The following ARHGAP15 variants were observed in gnomAD, a reference collection of about 807,000 sequenced individuals.
The protein encoded by ARHGAP15 is rho GTPase-activating protein 15.
A neutral mutation model predicts 63.7 loss-of-function variants in ARHGAP15; 51 were observed. The ratio of observed to expected loss-of-function variants is 0.80; its 90% CI spans 0.64 to 1.01. The LOEUF (loss-of-function observed/expected upper bound fraction) is 1.01, where lower values mean the gene tolerates loss of function less well. Among genes scored for constraint, ARHGAP15 ranks in the 50% least tolerant of loss-of-function variants. The pLI, the probability that ARHGAP15 is intolerant of heterozygous loss-of-function variation, is 0.00. For synonymous variants in ARHGAP15, 191 were observed against 193.8 expected, an observed-to-expected ratio of 0.99 and a Z score of 0.12; for missense variants, 560 against 564.6, an observed-to-expected ratio of 0.99 and a Z score of 0.08.
At chr2:143,544,691 A>G (rs1695249990) in intron 10 of ARHGAP15, among the ~76,000 whole-genome samples, 1 of 152,186 alleles carries the variant, frequency 6.6e-6, no homozygotes, top group Non-Finnish European at 1.5e-5. Context: ...CATAGTAAGT[A>G]CCTACACAAT....
intron 12 of ARHGAP15, among the ~76,000 whole-genome samples, chr2:143,651,217 C>G (rs1410108954): frequency 6.6e-6 from 1 of 151,886 alleles, no homozygotes; most frequent in African/African-American, 2.4e-5. Flanking sequence ...TGAAGTGATT[C>G]ATACAGATTT....
At chr2:143,413,454 T>C (rs1414955313) in intron 6 of ARHGAP15, among the ~76,000 whole-genome samples, 4 of 152,236 alleles carry the variant, frequency 2.6e-5, no homozygotes, top group African/African-American at 9.6e-5. Flanking sequence ...TCAACTCTGA[T>C]AAGCTTCTCA....
intron 6 of ARHGAP15, among the ~76,000 whole-genome samples, chr2:143,259,685 C>T (rs1680619342): frequency 6.6e-6 from 1 of 152,058 alleles, no homozygotes; most frequent in Non-Finnish European, 1.5e-5. Flanking sequence ...ATCCTCTGGC[C>T]CTACATGTCA....
At chr2:143,719,523 C>T (rs1474929344) in intron 13 of ARHGAP15, among the ~76,000 whole-genome samples, 1 of 152,184 alleles carries the variant, frequency 6.6e-6, no homozygotes, top group Non-Finnish European at 1.5e-5. Flanking sequence ...CAACTCTGCC[C>T]TCTTGGCTTC....
chr2:143,673,722 T>TTGTGTGTGTGTGTGTG (rs70982878), intron 12 of ARHGAP15, among the ~76,000 whole-genome samples: 2 of 54,666 alleles, frequency 3.7e-5, no homozygotes, highest in African/African-American at 9.5e-5. Context: ...AGGCCTTATA[T>TTGTGTGTGTGTGTGTG]TGTGTGTGTG....
intron 10 of ARHGAP15, among the ~76,000 whole-genome samples, chr2:143,523,149 G>A (rs1468622538): frequency 6.6e-6 from 1 of 152,044 alleles, no homozygotes; most frequent in Non-Finnish European, 1.5e-5. Flanking sequence ...AGCAATCGAA[G>A]CCAAATAGCT....
intron 12 of ARHGAP15, among the ~76,000 whole-genome samples, chr2:143,638,574 C>T (rs868460831): frequency 2.9e-4 from 43 of 148,396 alleles, no homozygotes; most frequent in African/African-American, 9.2e-4. Flanking sequence ...GTGGGTGCAG[C>T]GCACCAGCAT....
chr2:143,478,755 TAA>T (rs1272679649), intron 8 of ARHGAP15, among the ~76,000 whole-genome samples: 3 of 152,242 alleles, frequency 2.0e-5, no homozygotes, highest in Non-Finnish European at 4.4e-5. Flanking sequence ...AAGTGGAAAT[TAA>T]GACTATTTTA....
intron 12 of ARHGAP15, among the ~76,000 whole-genome samples, chr2:143,658,555 T>C (rs1472891176): frequency 6.6e-6 from 1 of 152,204 alleles, no homozygotes; most frequent in African/African-American, 2.4e-5. Context: ...TTTTGGCTCA[T>C]GGAACTAGAT....
At chr2:143,719,146 A>G (rs1312040449) in intron 13 of ARHGAP15, among the ~76,000 whole-genome samples, 2 of 152,122 alleles carry the variant, frequency 1.3e-5, no homozygotes, top group East Asian at 3.9e-4. Flanking sequence ...CACTGAAAAC[A>G]CCTCTTTTCC....
chr2:143,431,472 G>A (rs1249411111), intron 6 of ARHGAP15, among the ~76,000 whole-genome samples: 1 of 152,000 alleles, frequency 6.6e-6, no homozygotes, highest in African/African-American at 2.4e-5. Context: ...CATACCAAGT[G>A]GTGGTATTCA....
At chr2:143,311,734 GT>G (rs1275181689) in intron 6 of ARHGAP15, among the ~76,000 whole-genome samples, 1 of 152,128 alleles carries the variant, frequency 6.6e-6, no homozygotes, top group Non-Finnish European at 1.5e-5. Flanking sequence ...CTTAGCATAT[GT>G]CTAAGCTCAC....
intron 3 of ARHGAP15, among the ~76,000 whole-genome samples, chr2:143,205,272 AGAAAC>A (rs893852797): frequency 1.3e-5 from 2 of 150,920 alleles, no homozygotes; most frequent in Non-Finnish European, 3.0e-5. Context: ...AAAAAAAAAA[AGAAAC>A]AGAAAGGAAC....
chr2:143,364,802 C>T (rs1344513320), intron 6 of ARHGAP15, among the ~76,000 whole-genome samples: 1 of 152,082 alleles, frequency 6.6e-6, no homozygotes, highest in African/African-American at 2.4e-5. Flanking sequence ...CCAAGGCAGG[C>T]GGATCACTTG....
At chr2:143,471,068 T>C (rs1163646045) in intron 8 of ARHGAP15, among the ~76,000 whole-genome samples, 1 of 147,098 alleles carries the variant, frequency 6.8e-6, no homozygotes, top group Admixed American at 6.7e-5. Context: ...TATACACATA[T>C]GATACACATG....
intron 2 of ARHGAP15, among the ~76,000 whole-genome samples, chr2:143,176,408 T>G (rs1691011320): frequency 6.6e-6 from 1 of 152,184 alleles, no homozygotes; most frequent in Admixed American, 6.5e-5. Context: ...GGAATTGATA[T>G]TCATATGCAG....
At chr2:143,579,985 G>A (rs1407994653) in intron 11 of ARHGAP15, among the ~76,000 whole-genome samples, 2 of 140,846 alleles carry the variant, frequency 1.4e-5, no homozygotes, top group Non-Finnish European at 3.1e-5. Flanking sequence ...TAAAACAAAT[G>A]TTTCTTCAAA....
At chr2:143,637,258 C>T (rs1213564684) in intron 12 of ARHGAP15, among the ~76,000 whole-genome samples, 2 of 152,060 alleles carry the variant, frequency 1.3e-5, no homozygotes, top group African/African-American at 2.4e-5. Context: ...AAGCTTCCTC[C>T]TATATTCTCA....
intron 12 of ARHGAP15, among the ~76,000 whole-genome samples, chr2:143,699,669 A>T (rs1683998744): frequency 6.6e-6 from 1 of 152,156 alleles, no homozygotes; most frequent in Non-Finnish European, 1.5e-5. Flanking sequence ...ACCAACTGGC[A>T]CCAACTCAGT....
Sources: allele counts gnomAD v4.1 joint callset (sites outside exome capture counted in the v4.1 genomes callset), GRCh38; gene constraint gnomAD v4.1.1; transcripts MANE v1.5; gene names NCBI Gene and HGNC (gene_info 2026-07-23, HGNC 2026-07-21).